The following SMIM27 variants were observed in gnomAD, a reference collection of about 807,000 sequenced individuals.
SMIM27 encodes the protein TOPORS antisense RNA 1 (non-protein coding).
In SMIM27, 3 loss-of-function variants were observed where a neutral mutation model predicts 1.8. The observed-to-expected ratio is 1.65, with a 90% CI of 0.75 to 4.28. SMIM27 has a LOEUF of 4.28. Ranked by LOEUF, SMIM27 falls within the 30% of genes most tolerant of loss-of-function variation. The pLI, the probability that SMIM27 is intolerant of heterozygous loss-of-function variation, is 0.02. For missense variants in SMIM27, 63 were observed against 37.0 expected (o/e 1.70, Z -1.83); for synonymous variants, 19 against 13.9 (o/e 1.37, Z -0.82).
chr9:32,565,865 G>T (rs903921184), intron 1 of SMIM27, among the ~76,000 whole-genome samples: 1 of 152,080 alleles, frequency 6.6e-6, no homozygotes, highest in Non-Finnish European at 1.5e-5. Flanking sequence ...CTAGCTACTT[G>T]GGAGGTTGAG....
chr9:32,559,905 G>T (rs1176132313), intron 1 of SMIM27, among the ~76,000 whole-genome samples: 1 of 152,028 alleles, frequency 6.6e-6, no homozygotes, highest in Non-Finnish European at 1.5e-5. Flanking sequence ...CACATAAGAG[G>T]TACTACATAA....
chr9:32,554,034 G>A, downstream of SMIM27: 1 of 777,522 alleles, frequency 1.3e-6, no homozygotes, highest in Non-Finnish European at 2.1e-6. Flanking sequence ...GATCTCACAT[G>A]GAAAATGTAC....
chr9:32,557,094 G>C (rs1264440279), downstream of SMIM27, among the ~76,000 whole-genome samples: 1 of 150,648 alleles, frequency 6.6e-6, no homozygotes, highest in African/African-American at 2.4e-5. Flanking sequence ...CTGACCTCAG[G>C]TGATCCACCT....
At chr9:32,561,283 T>G (rs576074895) in intron 1 of SMIM27, among the ~76,000 whole-genome samples, 2 of 151,902 alleles carry the variant, frequency 1.3e-5, no homozygotes, top group South Asian at 4.2e-4. Flanking sequence ...CTTGGACATC[T>G]CCAAAACTGC....
downstream of SMIM27, chr9:32,553,962 C>A (rs769859439): frequency 7.3e-6 from 11 of 1,505,142 alleles, no homozygotes; most frequent in South Asian, 5.7e-5. Context: ...AACAAAGATA[C>A]AGTTAGTACA....
chr9:32,557,036 A>ATACTACTATTTTT (rs915575426), downstream of SMIM27, among the ~76,000 whole-genome samples: 3 of 148,994 alleles, frequency 2.0e-5, no homozygotes, highest in African/African-American at 7.4e-5. Context: ...ATTTTTATTA[A>ATACTACTATTTTT]TAGTAGAGAT....
At chr9:32,566,474 A>T (rs1821793130) in exon 2 of SMIM27, 15 of 799,468 alleles carry the variant, frequency 1.9e-5, no homozygotes, top group Middle Eastern at 2.2e-4. Context: ...TCCATGTCGA[A>T]GGGACCCTGG....
chr9:32,563,491 C>CTTTTTTTTTTATTT (rs1821688564), intron 1 of SMIM27, among the ~76,000 whole-genome samples: 1 of 92,004 alleles, frequency 1.1e-5, no homozygotes. Flanking sequence ...GACTATTGGG[C>CTTTTTTTTTTATTT]TTTTTTTTTT....
At chr9:32,558,894 A>C in intron 1 of SMIM27, 1 of 1,499,238 alleles carries the variant, frequency 6.7e-7, no homozygotes. Context: ...GAAAAATCAG[A>C]AGTGTTAAGA....
chr9:32,558,516 T>C (rs887503394), intron 1 of SMIM27, among the ~76,000 whole-genome samples: 4 of 152,206 alleles, frequency 2.6e-5, no homozygotes, highest in Non-Finnish European at 5.9e-5. Context: ...ACATGAGAGT[T>C]TGGAATTAAT....
intron 1 of SMIM27, among the ~76,000 whole-genome samples, chr9:32,562,249 A>C (rs1233203931): frequency 6.6e-6 from 1 of 152,204 alleles, no homozygotes; most frequent in Non-Finnish European, 1.5e-5. Flanking sequence ...GAGGTCAGGA[A>C]TTTGGTCTTG....
At chr9:32,553,853 C>G (rs769664114), downstream of SMIM27, 1 of 1,480,696 alleles carries the variant, frequency 6.8e-7, no homozygotes, top group Non-Finnish European at 9.4e-7. Context: ...GGCTCATAAG[C>G]CTTTTAACTT....
chr9:32,552,697 C>CT (rs1219557131), intron 1 of SMIM27, 104 bp from the exon 2 acceptor site: 1 of 656,082 alleles, frequency 1.5e-6, no homozygotes, highest in African/African-American at 1.8e-5. Flanking sequence ...ATTTATTCGA[C>CT]TTTGTTACTT....
At chr9:32,561,254 A>G (rs1014509501) in intron 1 of SMIM27, among the ~76,000 whole-genome samples, 3 of 152,176 alleles carry the variant, frequency 2.0e-5, no homozygotes, top group African/African-American at 7.2e-5. Context: ...TTTCTAACAC[A>G]TAAGACAGGC....
intron 1 of SMIM27, chr9:32,566,387 C>T: frequency 9.7e-7 from 1 of 1,030,490 alleles, no homozygotes; most frequent in South Asian, 1.3e-5. Flanking sequence ...ACTATGTGAT[C>T]CAGGTTCCAG....
At chr9:32,551,715 C>A, upstream of SMIM27, 1 of 396,998 alleles carries the variant, frequency 2.5e-6, no homozygotes, top group South Asian at 1.7e-5. Context: ...CACCAAACTG[C>A]CGTGCTCGGG....
chr9:32,564,172 T>A (rs1161028923), intron 1 of SMIM27, among the ~76,000 whole-genome samples: 1 of 152,194 alleles, frequency 6.6e-6, no homozygotes, highest in African/African-American at 2.4e-5. Flanking sequence ...CTATATCTAT[T>A]TCTAGGTCTA....
At chr9:32,566,549 G>A (rs1443644331) in exon 2 of SMIM27, 2 of 773,988 alleles carry the variant, frequency 2.6e-6, no homozygotes, top group African/African-American at 1.7e-5. Flanking sequence ...TTGTATAGCT[G>A]CCGTCGTACT....
At chr9:32,552,295 C>CA, upstream of SMIM27, 1 of 1,278,130 alleles carries the variant, frequency 7.8e-7, no homozygotes, top group African/African-American at 1.5e-5. Flanking sequence ...AGGCCAGCGA[C>CA]AGCGCTGCAC....
Sources: allele counts gnomAD v4.1 joint callset (sites outside exome capture counted in the v4.1 genomes callset), GRCh38; gene constraint gnomAD v4.1.1; transcripts MANE v1.5; gene names NCBI Gene and HGNC (gene_info 2026-07-23, HGNC 2026-07-21).